MICAL3: variants seen among roughly 807,000 people sequenced by gnomAD.
The protein encoded by MICAL3 is [F-actin]-monooxygenase MICAL3.
MICAL3 carries 62 observed loss-of-function variants against 207.4 expected under a neutral mutation model. That is an observed-to-expected ratio of 0.30 (90% CI 0.24 to 0.37). The LOEUF (loss-of-function observed/expected upper bound fraction) is 0.37. Ranked by LOEUF, MICAL3 falls within the 10% of genes least tolerant of loss-of-function variation. MICAL3 has a pLI of 1.00. For synonymous variants in MICAL3, 1,077 were observed against 1,069.3 expected (o/e 1.01, Z -0.14); for missense variants, 2,368 against 2,635.6 (o/e 0.90, Z 2.22).
At chr22:18,023,404 C>T (rs1360084843) in intron 1 of MICAL3, among the ~76,000 whole-genome samples, 1 of 151,782 alleles carries the variant, frequency 6.6e-6, no homozygotes, top group African/African-American at 2.4e-5. Flanking sequence ...TTTCAGCCTA[C>T]AGCTTGTCTC....
intron 19 of MICAL3, among the ~76,000 whole-genome samples, chr22:17,854,085 A>G (rs1052278821): frequency 1.3e-5 from 2 of 152,180 alleles, no homozygotes; most frequent in African/African-American, 4.8e-5. Context: ...CTCCCACAAT[A>G]TAACTGAGGC....
chr22:17,929,426 C>A (rs1210640771), intron 1 of MICAL3, among the ~76,000 whole-genome samples: 2 of 151,948 alleles, frequency 1.3e-5, no homozygotes, highest in Non-Finnish European at 2.9e-5. Flanking sequence ...TTTTTAAAAC[C>A]ATGTGTAAGT....
At chr22:17,897,475 G>C (rs1320765973) in intron 7 of MICAL3, among the ~76,000 whole-genome samples, 5 of 148,018 alleles carry the variant, frequency 3.4e-5, no homozygotes, top group Non-Finnish European at 4.5e-5. Context: ...TTATTCCCGA[G>C]AGAACATAGA....
At chr22:17,893,307 G>A (rs1234568622) in intron 11 of MICAL3, among the ~76,000 whole-genome samples, 1 of 152,126 alleles carries the variant, frequency 6.6e-6, no homozygotes, top group Non-Finnish European at 1.5e-5. Context: ...GGCTGACCAG[G>A]TGTACTCATG....
Position 17,790,450 on chromosome 22 carries a change from C to A in MICAL3, c.*282G>T, listed in dbSNP as rs1313078472. 1 of 458,796 alleles carries A rather than the reference C, an allele frequency of 2.2e-6. No homozygotes were observed. The highest frequency in any genetic ancestry group is 3.9e-6 in the Non-Finnish European group (1 of 255,702). 28.4% of individuals were successfully genotyped at this position (458,796 alleles called of 1,614,324 possible). ...ACAGCCAGCACATCCTCAGGGAGCG[C>A]GCGGGGTGGTCCCCTGCGTCATGCC... On this transcript the variant is annotated 3_prime_UTR_variant, in exon 32 of 32. Transcript: ENST00000441493.
intron 29 of MICAL3, among the ~76,000 whole-genome samples, chr22:17,804,262 T>C (rs574952068): frequency 5.3e-5 from 8 of 152,222 alleles, no homozygotes; most frequent in African/African-American, 1.9e-4. Context: ...CAGTTGCTGA[T>C]ACTGGAAGCC....
At chr22:17,856,942 A>G (rs1192310849) in intron 19 of MICAL3, among the ~76,000 whole-genome samples, 2 of 152,132 alleles carry the variant, frequency 1.3e-5, no homozygotes. Flanking sequence ...CTTTTAAAAG[A>G]ACCTACTGAC....
chr22:17,799,335 T>C (rs1245907954), intron 29 of MICAL3, among the ~76,000 whole-genome samples: 2 of 152,288 alleles, frequency 1.3e-5, no homozygotes, highest in South Asian at 2.1e-4. Flanking sequence ...TGAGTGGAGA[T>C]GGCGCCACTG....
At chr22:17,862,842 T>C (rs1261471431) in intron 19 of MICAL3, 1 of 985,512 alleles carries the variant, frequency 1.0e-6, no homozygotes, top group Non-Finnish European at 1.2e-6. Flanking sequence ...CACTGGCCTT[T>C]GCCACCCAAG....
Position 17,893,844 on chromosome 22 carries a change from C to T in MICAL3, c.1510G>A (p.Val504Met), listed in dbSNP as rs1406975988. 3 of 1,577,326 alleles carry T rather than the reference C, an allele frequency of 1.9e-6. No individual in the cohort carries two copies. Among genetic ancestry groups the T allele is most frequent in the Admixed American group, 3.6e-5 (2 of 55,132 alleles). ...KDIHLEMESL[V>M]NSRTTPKLTR... ...AATTTGGGGGTGGTTCGGGAATTCA[C>T]CAGGCTCTCCATTTCCAGGTGAATA... The change falls in exon 11 of 32, where the codon GTG becomes ATG. Residue 504 changes from valine (V) to methionine (M), a missense_variant. By Grantham distance (21) the Val-to-Met change is conservative (BLOSUM62 1). Transcript: ENST00000441493.
chr22:17,984,394 T>A (rs1936060360), intron 1 of MICAL3, among the ~76,000 whole-genome samples: 1 of 152,224 alleles, frequency 6.6e-6, no homozygotes, highest in Non-Finnish European at 1.5e-5. Context: ...GAGGAAGGCC[T>A]CCCTGGAGAC....
intron 1 of MICAL3, among the ~76,000 whole-genome samples, chr22:17,954,315 C>G (rs753687754): frequency 6.6e-5 from 10 of 152,168 alleles, no homozygotes; most frequent in Admixed American, 2.0e-4. Context: ...ACTCCTAACA[C>G]TGCATGGACA....
chr22:17,995,491 ATTTTTTT>A (rs138357470), intron 1 of MICAL3, among the ~76,000 whole-genome samples: 69 of 77,632 alleles, frequency 8.9e-4, no homozygotes, highest in African/African-American at 1.2e-3. Context: ...CTTTTCTTTA[ATTTTTTT>A]TTTTTTTTTT....
At chr22:17,993,139 C>G (rs1294042418) in intron 1 of MICAL3, among the ~76,000 whole-genome samples, 1 of 152,100 alleles carries the variant, frequency 6.6e-6, no homozygotes, top group African/African-American at 2.4e-5. Flanking sequence ...TTCCTTTTTC[C>G]TTTTTCACAG....
intron 19 of MICAL3, among the ~76,000 whole-genome samples, chr22:17,846,326 C>T (rs1278231953): frequency 6.6e-6 from 1 of 152,136 alleles, no homozygotes; most frequent in Non-Finnish European, 1.5e-5. Context: ...TGGGCAAGGA[C>T]CCCAAACTCA....
At chr22:17,872,222 G>A (rs1463773966) in intron 16 of MICAL3, among the ~76,000 whole-genome samples, 199 bp from the exon 17 acceptor site, 1 of 152,196 alleles carries the variant, frequency 6.6e-6, no homozygotes, top group African/African-American at 2.4e-5. Flanking sequence ...CTGCCTCCAC[G>A]CACTGACAGA....
intron 19 of MICAL3, 124 bp from the exon 20 acceptor site, chr22:17,842,141 T>C (rs1185223574): frequency 2.2e-6 from 2 of 917,720 alleles, no homozygotes; most frequent in African/African-American, 1.6e-5. Context: ...GGTCAGAGCA[T>C]TTGCAGAGTT....
chr22:17,877,529 G>GGGAGGTTATGGAGGTT (rs1928930255), intron 16 of MICAL3, among the ~76,000 whole-genome samples: 1 of 41,852 alleles, frequency 2.4e-5, no homozygotes, highest in Non-Finnish European at 5.1e-5. Flanking sequence ...TTAGGGAGGT[G>GGGAGGTTATGGAGGTT]AGGGAGGTTA....
intron 17 of MICAL3, among the ~76,000 whole-genome samples, chr22:17,868,652 C>T (rs1208919247): frequency 6.6e-6 from 1 of 152,148 alleles, no homozygotes; most frequent in Non-Finnish European, 1.5e-5. Flanking sequence ...GTGACTGATT[C>T]TCAATGGTCC....
Sources: gnomAD v4.1 joint callset for allele counts (sites outside exome capture counted in the v4.1 genomes callset) on GRCh38, gnomAD v4.1.1 for gene constraint, MANE v1.5 for transcripts, NCBI Gene and HGNC (gene_info 2026-07-23, HGNC 2026-07-21) for gene names.